The following CDKL3 variants were observed in gnomAD, a reference collection of about 807,000 sequenced individuals.
The protein encoded by CDKL3 is cyclin dependent kinase like 3.
A neutral mutation model predicts 69.3 loss-of-function variants in CDKL3; 65 were observed. The ratio of observed to expected loss-of-function variants is 0.94; its 90% CI spans 0.77 to 1.15. The LOEUF is 1.15. CDKL3 is among the 50% of genes most tolerant of loss of function. The pLI, the probability that CDKL3 is intolerant of heterozygous loss-of-function variation, is 0.00. For missense variants in CDKL3, 652 were observed against 689.2 expected (o/e 0.95, Z 0.61); for synonymous variants, 202 against 221.6 (o/e 0.91, Z 0.79).
intron 3 of CDKL3, among the ~76,000 whole-genome samples, chr5:134,356,748 C>T (rs1754709387): frequency 1.3e-5 from 2 of 152,080 alleles, no homozygotes; most frequent in Admixed American, 1.3e-4. Flanking sequence ...CATGCCACTG[C>T]ACTCCAGCCT....
At position 134,354,562 on chromosome 5, in the gene CDKL3, A is replaced by C. The variant is rs537990482; in HGVS notation, c.361-4135T>G. Among the ~76,000 whole-genome samples, 4 of 152,310 alleles carry C rather than the reference A, an allele frequency of 2.6e-5. No homozygotes were observed. The East Asian group carries it at 7.7e-4, about 29-fold the overall frequency. ...TATATAAATCCTTTTTAACTACCAC[A>C]ATTTTAATTGAGGGCCTACTATATG... is the stretch of plus-strand genomic sequence containing the variant. On this transcript the variant is annotated intron_variant, in intron 3 of 12. Transcript: ENST00000265334.
At chr5:134,322,437 C>A (rs1773051350) in intron 4 of CDKL3, among the ~76,000 whole-genome samples, 1 of 152,080 alleles carries the variant, frequency 6.6e-6, no homozygotes, top group Admixed American at 6.6e-5. Context: ...TATATGACTT[C>A]TTTGGAGGAA....
At chr5:134,283,634 A>T (rs1764727008), downstream of CDKL3, among the ~76,000 whole-genome samples, 1 of 152,046 alleles carries the variant, frequency 6.6e-6, no homozygotes, top group Non-Finnish European at 1.5e-5. Flanking sequence ...TACACAGCCA[A>T]ACCATATCAT....
chr5:134,360,182 T>C (rs1010063965), intron 2 of CDKL3, 91 bp from the exon 3 acceptor site: 15 of 868,530 alleles, frequency 1.7e-5, no homozygotes, highest in Non-Finnish European at 2.3e-5. Context: ...GAAACAGTCA[T>C]ATTCTTAGCT....
At chr5:134,325,927 C>CTTTTTTTTTTTTT (rs10706943) in intron 4 of CDKL3, among the ~76,000 whole-genome samples, 5 of 82,868 alleles carry the variant, frequency 6.0e-5, no homozygotes, top group Admixed American at 1.6e-4. Flanking sequence ...CCACGCCTGG[C>CTTTTTTTTTTTTT]TTTTTTTTTT....
chr5:134,283,968 C>T (rs892141147), downstream of CDKL3, among the ~76,000 whole-genome samples: 2 of 152,152 alleles, frequency 1.3e-5, no homozygotes, highest in Non-Finnish European at 2.9e-5. Context: ...TATTAAAGCT[C>T]CAAAATGATC....
chr5:134,299,763 T>TAGAAAC (rs1214439392), intron 12 of CDKL3: 2 of 1,485,086 alleles, frequency 1.3e-6, no homozygotes, highest in East Asian at 4.9e-5. Context: ...AAAAAGTAAA[T>TAGAAAC]AGAAACAGGT....
downstream of CDKL3, among the ~76,000 whole-genome samples, chr5:134,295,663 T>A (rs960711595): frequency 6.6e-6 from 1 of 152,224 alleles, no homozygotes; most frequent in Non-Finnish European, 1.5e-5. Context: ...ATCACAATAT[T>A]ATAATAAGTT....
At chr5:134,334,014 C>T (rs1049084425) in intron 4 of CDKL3, among the ~76,000 whole-genome samples, 1 of 152,170 alleles carries the variant, frequency 6.6e-6, no homozygotes, top group Non-Finnish European at 1.5e-5. Flanking sequence ...TTCAGAGATT[C>T]AACATCTTCC....
intron 7 of CDKL3, among the ~76,000 whole-genome samples, chr5:134,310,741 C>T (rs1042976449): frequency 8.5e-5 from 13 of 152,342 alleles, no homozygotes; most frequent in Admixed American, 2.6e-4. Context: ...CCCACCTTGG[C>T]CTCCCAAAAT....
chr5:134,290,590 A>C (rs879494890), intron 8 of CDKL3, among the ~76,000 whole-genome samples: 1 of 152,174 alleles, frequency 6.6e-6, no homozygotes, highest in East Asian at 1.9e-4. Flanking sequence ...GGGGAGAGGC[A>C]TACTGTGTAG....
At chr5:134,303,668 A>AC (rs112941862) in intron 11 of CDKL3, among the ~76,000 whole-genome samples, 16,003 of 138,890 alleles carry the variant, frequency 0.12, 919 homozygotes, top group South Asian at 0.17. Context: ...AAATGGTGGA[A>AC]CCCCCCCCCC....
rs374817551 is a variant in CDKL3, at chr5:134,364,770, C to T, written c.165+1589G>A. 9.4e-4 allele frequency among the ~76,000 whole-genome samples: 143 copies of T among 151,968 alleles called. 1 individual carries two copies. In the South Asian group the frequency reaches 0.028, roughly 30 times the overall value. On this transcript the variant is annotated intron_variant, in intron 2 of 12. Coordinates refer to ENST00000265334, the MANE Select transcript of CDKL3 (RefSeq NM_001113575.2). ...TCAGGTGATCTGCCTGCCTCAGCCT[C>T]CCAAAGTTCTGAGATTACAGGCGTG...
chr5:134,346,685 G>A (rs1017917154), intron 4 of CDKL3, among the ~76,000 whole-genome samples: 9 of 152,022 alleles, frequency 5.9e-5, no homozygotes, highest in Admixed American at 1.3e-4. Flanking sequence ...TAGTAGAGAC[G>A]GGGTTTCTCC....
intron 3 of CDKL3, among the ~76,000 whole-genome samples, chr5:134,353,730 T>A (rs189259511): frequency 6.6e-6 from 1 of 152,140 alleles, no homozygotes; most frequent in Admixed American, 6.5e-5. Flanking sequence ...CAGCTAATTT[T>A]TGTATTTTTA....
downstream of CDKL3, among the ~76,000 whole-genome samples, chr5:134,296,598 T>C (rs1487031786): frequency 6.6e-6 from 1 of 152,204 alleles, no homozygotes; most frequent in Non-Finnish European, 1.5e-5. Context: ...AGACAGTTTG[T>C]GCAGCCTCTA....
At chr5:134,322,911 G>A (rs1308895085) in intron 4 of CDKL3, among the ~76,000 whole-genome samples, 3 of 151,988 alleles carry the variant, frequency 2.0e-5, no homozygotes, top group Non-Finnish European at 4.4e-5. Flanking sequence ...CCCGGGAGGT[G>A]GAGGTTGTGG....
At chr5:134,345,912 A>C (rs1232349908) in intron 4 of CDKL3, among the ~76,000 whole-genome samples, 1 of 152,190 alleles carries the variant, frequency 6.6e-6, no homozygotes, top group African/African-American at 2.4e-5. Flanking sequence ...GTCCAGGCTT[A>C]GACTATGATA....
At chr5:134,294,694 G>A (rs1765271369), downstream of CDKL3, among the ~76,000 whole-genome samples, 1 of 151,290 alleles carries the variant, frequency 6.6e-6, no homozygotes, top group Non-Finnish European at 1.5e-5. Flanking sequence ...AGGAAGGGAG[G>A]GAGTCAGGAG....
Sources: allele counts gnomAD v4.1 joint callset (sites outside exome capture counted in the v4.1 genomes callset), GRCh38; gene constraint gnomAD v4.1.1; transcripts MANE v1.5; gene names NCBI Gene and HGNC (gene_info 2026-07-23, HGNC 2026-07-21).